The following CEP112 variants were observed in gnomAD, a reference collection of about 807,000 sequenced individuals.
CEP112 encodes centrosomal protein of 112 kDa.
In CEP112, 127 loss-of-function variants were observed where a neutral mutation model predicts 153.0. The ratio of observed to expected loss-of-function variants is 0.83; its 90% CI spans 0.72 to 0.96. CEP112 has a LOEUF of 0.96. Ranked by LOEUF, CEP112 falls within the 40% of genes least tolerant of loss-of-function variation. The pLI, the probability that CEP112 is intolerant of heterozygous loss-of-function variation, is 0.00. For synonymous variants in CEP112, 358 were observed against 374.4 expected (o/e 0.96, Z 0.51); for missense variants, 1,089 against 1,101.2 (o/e 0.99, Z 0.16).
At chr17:65,870,013 A>AAAAGAAAGAAAGAAAG (rs2058602309) in intron 20 of CEP112, among the ~76,000 whole-genome samples, 1 of 37,406 alleles carries the variant, frequency 2.7e-5, no homozygotes, top group South Asian at 7.8e-4. Flanking sequence ...TAGGTAGAGA[A>AAAAGAAAGAAAGAAAG]TAAGAAAGAA....
intron 21 of CEP112, among the ~76,000 whole-genome samples, chr17:65,772,617 CAG>C (rs1253567260): frequency 2.3e-5 from 1 of 44,372 alleles, no homozygotes; most frequent in South Asian, 8.9e-4. Context: ...CACACACACA[CAG>C]ACAGCCCCTT....
intron 20 of CEP112, among the ~76,000 whole-genome samples, chr17:65,887,669 A>G (rs1309276074): frequency 6.6e-6 from 1 of 152,182 alleles, no homozygotes; most frequent in Non-Finnish European, 1.5e-5. Context: ...TAATATTCTC[A>G]CGCAAGATCA....
intron 21 of CEP112, among the ~76,000 whole-genome samples, chr17:65,764,347 G>A (rs113482497): frequency 3.9e-5 from 6 of 152,288 alleles, no homozygotes; most frequent in African/African-American, 1.4e-4. Context: ...GTTGATGGGG[G>A]ATATTGAAGT....
intron 4 of CEP112, among the ~76,000 whole-genome samples, chr17:66,159,268 G>C (rs1485493625): frequency 6.6e-6 from 1 of 152,122 alleles, no homozygotes; most frequent in African/African-American, 2.4e-5. Flanking sequence ...TTCTACCATA[G>C]GTGCAAAGAG....
intron 17 of CEP112, among the ~76,000 whole-genome samples, chr17:65,975,133 G>A (rs2062984513): frequency 6.6e-6 from 1 of 152,100 alleles, no homozygotes; most frequent in African/African-American, 2.4e-5. Flanking sequence ...AAGACGAAAA[G>A]AACACAAAAG....
At chr17:65,813,819 G>A (rs1368245167) in intron 21 of CEP112, among the ~76,000 whole-genome samples, 1 of 152,200 alleles carries the variant, frequency 6.6e-6, no homozygotes, top group African/African-American at 2.4e-5. Flanking sequence ...GCACAAGGAA[G>A]TGTGGAATTA....
chr17:65,941,323 G>A (rs944162439), intron 18 of CEP112: 1 of 152,006 alleles, frequency 6.6e-6, no homozygotes, highest in African/African-American at 2.4e-5. Flanking sequence ...GGTAAAAATA[G>A]ATTATCTTCT....
At chr17:66,085,065 A>C (rs905808330) in intron 8 of CEP112, among the ~76,000 whole-genome samples, 1 of 152,224 alleles carries the variant, frequency 6.6e-6, no homozygotes, top group Non-Finnish European at 1.5e-5. Flanking sequence ...AAGACATACA[A>C]AAAAGAAGTG....
intron 17 of CEP112, among the ~76,000 whole-genome samples, chr17:66,002,212 G>C (rs35330801): frequency 0.41 from 62,037 of 151,522 alleles, 14,082 homozygotes; most frequent in East Asian, 0.87. Flanking sequence ...CTTGGAGAGA[G>C]TATAAATATC....
chr17:66,088,918 C>G (rs1460842924), intron 8 of CEP112, among the ~76,000 whole-genome samples: 1 of 141,824 alleles, frequency 7.1e-6, no homozygotes, highest in African/African-American at 2.6e-5. Flanking sequence ...CAGGCTTAAA[C>G]CCACCCTAGA....
intron 4 of CEP112, among the ~76,000 whole-genome samples, chr17:66,154,743 C>CAA (rs144907841): frequency 5.4e-5 from 8 of 147,634 alleles, no homozygotes; most frequent in African/African-American, 7.4e-5. Flanking sequence ...AAACAGGAAA[C>CAA]AAAAAAAAAC....
At chr17:65,636,029 T>C (rs2044749568) in intron 26 of CEP112, 55 bp from the exon 27 acceptor site, 7 of 1,561,924 alleles carry the variant, frequency 4.5e-6, no homozygotes, top group Non-Finnish European at 4.4e-6. Flanking sequence ...GGTATGTCAA[T>C]CAAAAAATAA....
intron 12 of CEP112, among the ~76,000 whole-genome samples, chr17:66,039,011 G>C (rs575609769): frequency 2.8e-4 from 42 of 152,126 alleles, no homozygotes; most frequent in Non-Finnish European, 5.6e-4. Context: ...AAAATTTTCA[G>C]AGAGGTAAAA....
chr17:65,862,608 T>A (rs2058346436), intron 20 of CEP112, among the ~76,000 whole-genome samples: 2 of 152,028 alleles, frequency 1.3e-5, no homozygotes, highest in South Asian at 4.2e-4. Context: ...TAATAATATG[T>A]TCCAATTCTC....
rs1047473958 is a variant in CEP112, at chr17:65,950,774, A to G, written c.1872+10689T>C. ...TGATGCACTGGCTAGAAGTTCCAAT[A>G]CAATGTTGAATAAAAGTGGCAAAAG... On this transcript the variant is annotated intron_variant, in intron 18 of 26. Coordinates refer to ENST00000535342, the MANE Select transcript of CEP112 (RefSeq NM_001199165.4). 2.6e-5 allele frequency among the ~76,000 whole-genome samples: 4 copies of G among 151,810 alleles called. No homozygotes were observed. In the East Asian group the frequency reaches 7.7e-4, roughly 29 times the overall value.
intron 24 of CEP112, chr17:65,655,374 A>C: frequency 6.4e-7 from 1 of 1,553,196 alleles, no homozygotes; most frequent in East Asian, 2.2e-5. Context: ...CTACGAAAGG[A>C]AGCTCAACTC....
chr17:65,911,605 G>GAA (rs555881343), intron 19 of CEP112, among the ~76,000 whole-genome samples: 2 of 152,124 alleles, frequency 1.3e-5, no homozygotes, highest in Non-Finnish European at 2.9e-5. Context: ...GAGGTGAGAT[G>GAA]ATCACTTGAG....
At chr17:66,038,960 T>C (rs961287406) in intron 12 of CEP112, among the ~76,000 whole-genome samples, 13 of 152,034 alleles carry the variant, frequency 8.6e-5, no homozygotes, top group South Asian at 2.1e-4. Context: ...CAGGACTCAA[T>C]TGGTAGCTGT....
chr17:66,030,855 T>A (rs1425325269), intron 12 of CEP112, among the ~76,000 whole-genome samples: 1 of 152,332 alleles, frequency 6.6e-6, no homozygotes, highest in Non-Finnish European at 1.5e-5. Context: ...TAGTATGATG[T>A]TGCACTCAAC....
Sources: allele counts gnomAD v4.1 joint callset (sites outside exome capture counted in the v4.1 genomes callset), GRCh38; gene constraint gnomAD v4.1.1; transcripts MANE v1.5; gene names NCBI Gene and HGNC (gene_info 2026-07-23, HGNC 2026-07-21).